Variants in DIRAS2 observed in about 807,000 individuals in gnomAD.
The protein encoded by DIRAS2 is DIRAS family GTPase 2.
DIRAS2 carries 5 observed loss-of-function variants against 13.9 expected under a neutral mutation model. The observed-to-expected ratio is 0.36, with a 90% CI of 0.19 to 0.76. DIRAS2 has a LOEUF of 0.76. Ranked by LOEUF, DIRAS2 falls within the 30% of genes least tolerant of loss-of-function variation. The pLI, the probability that DIRAS2 is intolerant of heterozygous loss-of-function variation, is 0.53. For missense variants in DIRAS2, 191 were observed against 263.0 expected, an observed-to-expected ratio of 0.73 and a Z score of 1.89; for synonymous variants, 111 against 105.4, an observed-to-expected ratio of 1.05 and a Z score of -0.33.
rs1248383163 is a variant in DIRAS2 at position 90,610,487 on chromosome 9, C to A, written c.*2741G>T. 4 of 398,976 alleles carry A rather than the reference C, an allele frequency of 1.0e-5. No homozygotes were observed. The highest frequency in any genetic ancestry group is 1.3e-4 in the South Asian group (1 of 7,856). The allele number at this position is 398,976 out of a possible 1,614,324, so 24.7% of individuals were successfully genotyped here. A position where few individuals can be genotyped will look rare whatever the true frequency, so the allele number is the denominator to read the frequency against. ...AGTCATGGAGCCCCATGCTCATGCC[C>A]AGAGCGCCATCTTCAAAGCAATATT... On this transcript the variant is annotated 3_prime_UTR_variant, in exon 2 of 2. Coordinates refer to ENST00000375765, the MANE Select transcript of DIRAS2 (RefSeq NM_017594.5).
chr9:90,615,383 A>C (rs964429459), intron 1 of DIRAS2, among the ~76,000 whole-genome samples: 3 of 152,236 alleles, frequency 2.0e-5, no homozygotes, highest in Admixed American at 2.0e-4. Context: ...ATCAATGCTA[A>C]CAGAAAATAT....
chr9:90,613,055 G>A lies in DIRAS2; in HGVS notation c.*173C>T, dbSNP rs1825130657. ...GGCAGATTCTGTGACTCCAGAGTGG[G>A]TGGCTTACTGTTGGTGGTGTGAAAC... On this transcript the variant is annotated 3_prime_UTR_variant, in exon 2 of 2. Transcript: ENST00000375765. The surrounding 1 kb of genome is among the most constrained non-coding windows in gnomAD (Gnocchi z 5.6). The A allele has an allele frequency of 2.3e-6, 2 of 852,014 alleles. No individual in the cohort carries two copies. The highest frequency in any genetic ancestry group is 3.4e-5 in the African/African-American group (2 of 59,054). The allele number at this position is 852,014 out of a possible 1,614,324, so 52.8% of individuals were successfully genotyped here.
intron 1 of DIRAS2, among the ~76,000 whole-genome samples, chr9:90,633,086 G>GA (rs79094443): frequency 0.96 from 146,009 of 152,220 alleles, 70,119 homozygotes; most frequent in Middle Eastern, 1. Context: ...GTTGCCAGGG[G>GA]AAGCCATGTG....
chr9:90,630,074 T>TTC (rs147579326), intron 1 of DIRAS2, among the ~76,000 whole-genome samples: 12 of 152,074 alleles, frequency 7.9e-5, no homozygotes, highest in Non-Finnish European at 1.3e-4. Flanking sequence ...TCTGTTCTTT[T>TTC]TCTCTCTCTC....
Position 90,614,353 on chromosome 9 carries a change from T to TGTGA in DIRAS2, c.-36-491_-36-490insTCAC, listed in dbSNP as rs1491454540. Among the ~76,000 whole-genome samples, 276 of 138,990 alleles carry TGTGA rather than the reference T, an allele frequency of 2.0e-3. 4 individuals are homozygous for TGTGA. Among genetic ancestry groups the TGTGA allele is most frequent in the Admixed American group, 0.016 (221 of 13,744 alleles). 91.2% of individuals were successfully genotyped at this position (138,990 alleles called of 152,430 possible). ...GTGTGTGTGTGTGTGTGTGTGTGTG[T>TGTGA]GAGAAATACTGGGAGAGGGAGATGA... is the stretch of plus-strand genomic sequence containing the variant. On this transcript the variant is annotated intron_variant, in intron 1 of 1. Coordinates refer to ENST00000375765, the MANE Select transcript of DIRAS2 (RefSeq NM_017594.5).
In DIRAS2 at chr9:90,625,834, C is replaced by T. The variant is rs1825263350; in HGVS notation, c.-36-11971G>A. 4 of 152,120 alleles carry T rather than the reference C, an allele frequency of 2.6e-5. 1 individual carries two copies. In the South Asian group the frequency reaches 8.3e-4, roughly 32 times the overall value. 9.4% of individuals were successfully genotyped at this position (152,120 alleles called of 1,614,324 possible). On this transcript the variant is annotated intron_variant, in intron 1 of 1. Transcript: ENST00000375765. ...ATTCCATACAAATAGATAAATTAGGCTTCATCAAAATTTTAAAAATTTGTA... is the reference window on the plus strand; with the variant it reads ...ATTCCATACAAATAGATAAATTAGGTTTCATCAAAATTTTAAAAATTTGTA...
At chr9:90,638,744 A>AT (rs10713610) in intron 1 of DIRAS2, among the ~76,000 whole-genome samples, 2 of 151,658 alleles carry the variant, frequency 1.3e-5, no homozygotes, top group Non-Finnish European at 2.9e-5. Flanking sequence ...ACTGAGCTGG[A>AT]TTTTTTTTAT....
chr9:90,641,175 A>G (rs1412726415), intron 1 of DIRAS2, among the ~76,000 whole-genome samples: 2 of 152,222 alleles, frequency 1.3e-5, no homozygotes, highest in African/African-American at 4.8e-5. Flanking sequence ...GGGTTGTTAG[A>G]CACAAGCTGA....
At chr9:90,622,850 G>A (rs1825232189) in intron 1 of DIRAS2, among the ~76,000 whole-genome samples, 1 of 152,190 alleles carries the variant, frequency 6.6e-6, no homozygotes, top group Admixed American at 6.5e-5. Flanking sequence ...TGGGCGGGGA[G>A]AGACGGGATA....
intron 1 of DIRAS2, among the ~76,000 whole-genome samples, chr9:90,620,339 A>C (rs904246559): frequency 1.3e-5 from 2 of 152,234 alleles, no homozygotes; most frequent in Non-Finnish European, 2.9e-5. Flanking sequence ...AACAGACCTC[A>C]GCTTTATTCC....
In DIRAS2 at chr9:90,613,025, C is replaced by T. The variant is rs763513597; in HGVS notation, c.*203G>A. On this transcript the variant is annotated 3_prime_UTR_variant, in exon 2 of 2. Transcript: ENST00000375765. The surrounding 1 kb of genome is among the most constrained non-coding windows in gnomAD (Gnocchi z 5.6). ...TGAGTGTGTTGGTTTTCACTTGAAC[C>T]GCCTGGCAGATTCTGTGACTCCAGA... 2.2e-5 allele frequency: 15 copies of T among 674,736 alleles called. No homozygotes were observed. Among genetic ancestry groups the T allele is most frequent in the South Asian group, 1.4e-4 (7 of 48,758 alleles). 41.8% of individuals were successfully genotyped at this position (674,736 alleles called of 1,614,324 possible).
In DIRAS2 at chr9:90,623,690, C is replaced by G. The variant is rs188225883; in HGVS notation, c.-36-9827G>C. On this transcript the variant is annotated intron_variant, in intron 1 of 1. Transcript: ENST00000375765. ...AATGAGATAGAAGCATGATCTCAGG[C>G]AAAACAAACCCACAGCCTTTATCTG... is the stretch of plus-strand genomic sequence containing the variant. Among the ~76,000 whole-genome samples the G allele has an allele frequency of 6.6e-5, 10 of 152,152 alleles. No homozygotes were observed. In the East Asian group the frequency reaches 1.5e-3, roughly 23 times the overall value.
intron 1 of DIRAS2, among the ~76,000 whole-genome samples, chr9:90,641,443 A>G (rs1325593187): frequency 6.6e-6 from 1 of 152,176 alleles, no homozygotes; most frequent in Non-Finnish European, 1.5e-5. Flanking sequence ...CATATGTTAA[A>G]TGGGATGAAA....
rs541968301 is a variant in DIRAS2, at chr9:90,632,413, C to T, written c.-37+10339G>A. ...CCCCCAGGTAATCAAAGGCCTCACT[C>T]TCTTGCCTCCCACAGGCCTGTGTTA... On this transcript the variant is annotated intron_variant, in intron 1 of 1. Transcript: ENST00000375765. 4.6e-5 allele frequency among the ~76,000 whole-genome samples: 7 copies of T among 152,306 alleles called. No individual in the cohort carries two copies. The East Asian group carries it at 7.7e-4, about 17-fold the overall frequency.
At chr9:90,626,359 C>A (rs952640527) in intron 1 of DIRAS2, among the ~76,000 whole-genome samples, 1 of 151,184 alleles carries the variant, frequency 6.6e-6, no homozygotes, top group African/African-American at 2.4e-5. Flanking sequence ...ATAGTCCAAA[C>A]TACCAGAGAG....
chr9:90,639,700 C>T (rs1012852687), intron 1 of DIRAS2, among the ~76,000 whole-genome samples: 4 of 152,132 alleles, frequency 2.6e-5, no homozygotes, highest in African/African-American at 9.7e-5. Flanking sequence ...GAGTTGGATC[C>T]CTCGTATCTA....
At chr9:90,627,028 G>A (rs919262628) in intron 1 of DIRAS2, among the ~76,000 whole-genome samples, 2 of 152,134 alleles carry the variant, frequency 1.3e-5, no homozygotes, top group African/African-American at 4.8e-5. Context: ...ATGGCTTGGT[G>A]CTATCTTTGC....
intron 1 of DIRAS2, among the ~76,000 whole-genome samples, chr9:90,635,930 T>C (rs1825365721): frequency 6.6e-6 from 1 of 151,928 alleles, no homozygotes; most frequent in African/African-American, 2.4e-5. Flanking sequence ...GGCAAGACCC[T>C]TCTGCCCCGA....
In DIRAS2 at chr9:90,612,108, G is replaced by A. The variant is rs920417018; in HGVS notation, c.*1120C>T. The A allele has an allele frequency of 4.6e-5, 7 of 152,668 alleles. No homozygotes were observed. The allele number at this position is 152,668 out of a possible 1,614,324, so 9.5% of individuals were successfully genotyped here. Reference sequence around the variant, plus strand: ...AAGACACGTATAATGGAACATGCAAGAGAATTTACTATTATTTAAATGCAT... The same window carrying A: ...AAGACACGTATAATGGAACATGCAAAAGAATTTACTATTATTTAAATGCAT... On this transcript the variant is annotated 3_prime_UTR_variant, in exon 2 of 2. Coordinates refer to ENST00000375765, the MANE Select transcript of DIRAS2 (RefSeq NM_017594.5).
Sources: allele counts gnomAD v4.1 joint callset (sites outside exome capture counted in the v4.1 genomes callset), GRCh38; gene constraint gnomAD v4.1.1; non-coding constraint Gnocchi (gnomAD v3.1); transcripts MANE v1.5; gene names NCBI Gene and HGNC (gene_info 2026-07-23, HGNC 2026-07-21).